CNTN5: variants seen among roughly 807,000 people sequenced by gnomAD.
CNTN5 encodes contactin 5, also known as contactin-5.
In CNTN5, 77 loss-of-function variants were observed where a neutral mutation model predicts 129.1. The observed-to-expected ratio is 0.60, with a 90% CI of 0.50 to 0.72. The LOEUF (loss-of-function observed/expected upper bound fraction) is 0.72. Among genes scored for constraint, CNTN5 ranks in the 30% least tolerant of loss-of-function variants. CNTN5 has a pLI of 0.00. For synonymous variants in CNTN5, 509 were observed against 465.6 expected, an observed-to-expected ratio of 1.09 and a Z score of -1.20; for missense variants, 1,478 against 1,328.8, an observed-to-expected ratio of 1.11 and a Z score of -1.75.
At chr11:99,041,866 G>C (rs1319195293) in intron 1 of CNTN5, among the ~76,000 whole-genome samples, 2 of 152,098 alleles carry the variant, frequency 1.3e-5, no homozygotes, top group Admixed American at 1.3e-4. Context: ...CATGGCACTA[G>C]CCTAATTTGG....
intron 21 of CNTN5, among the ~76,000 whole-genome samples, chr11:100,325,754 C>A (rs1951776468): frequency 6.6e-6 from 1 of 152,144 alleles, no homozygotes; most frequent in Non-Finnish European, 1.5e-5. Context: ...GAGATAAAGT[C>A]TAGAAATGGA....
At chr11:99,638,971 C>G (rs186233835) in intron 3 of CNTN5, among the ~76,000 whole-genome samples, 1,844 of 152,296 alleles carry the variant, frequency 0.012, 38 homozygotes, top group African/African-American at 0.041. Flanking sequence ...GGGCTCCAAC[C>G]CCACATTTCC....
intron 2 of CNTN5, among the ~76,000 whole-genome samples, chr11:99,408,594 A>G (rs1254928067): frequency 6.6e-6 from 1 of 152,128 alleles, no homozygotes; most frequent in African/African-American, 2.4e-5. Flanking sequence ...TCGGCCTCCC[A>G]AAGTGCTGAG....
At chr11:99,767,900 A>G (rs754498943) in intron 3 of CNTN5, among the ~76,000 whole-genome samples, 4 of 152,140 alleles carry the variant, frequency 2.6e-5, no homozygotes, top group Non-Finnish European at 5.9e-5. Flanking sequence ...TTTCAAAACA[A>G]AAAAGTAAAA....
Position 100,224,673 on chromosome 11 carries a change from C to G in CNTN5, c.1885-19C>G, listed in dbSNP as rs754194415. On this transcript the variant is annotated intron_variant, in intron 15 of 24. Coordinates refer to ENST00000524871, the MANE Select transcript of CNTN5 (RefSeq NM_014361.4). Reference sequence around the variant, plus strand: ...GCAGATTTGCAACATTTTAAACTGGCACTTCATCCCTCTTTCAGCAAGCAT... The same window carrying G: ...GCAGATTTGCAACATTTTAAACTGGGACTTCATCCCTCTTTCAGCAAGCAT... 5.6e-6 allele frequency: 9 copies of G among 1,602,434 alleles called. No homozygotes were observed. Among genetic ancestry groups the G allele is most frequent in the Non-Finnish European group, 6.8e-6 (8 of 1,171,816 alleles).
chr11:99,198,155 CT>C (rs1326448418), intron 1 of CNTN5, among the ~76,000 whole-genome samples: 1 of 151,918 alleles, frequency 6.6e-6, no homozygotes, highest in African/African-American at 2.4e-5. Context: ...CTGTTTTTTG[CT>C]TAAATTTCTT....
chr11:99,217,050 T>G (rs1056126556), intron 1 of CNTN5, among the ~76,000 whole-genome samples: 4 of 152,002 alleles, frequency 2.6e-5, no homozygotes, highest in African/African-American at 9.7e-5. Context: ...ACGTGTGGCA[T>G]GTGCCTGTAG....
intron 13 of CNTN5, among the ~76,000 whole-genome samples, chr11:100,161,872 C>CACACACACACACACACACACAA (rs1191557675): frequency 7.8e-6 from 1 of 127,620 alleles, no homozygotes; most frequent in African/African-American, 3.0e-5. Context: ...CACACACACA[C>CACACACACACACACACACACAA]AAAACAAAAA....
chr11:99,540,668 A>C (rs2135493717), intron 2 of CNTN5, among the ~76,000 whole-genome samples: 1 of 152,310 alleles, frequency 6.6e-6, no homozygotes, highest in African/African-American at 2.4e-5. Flanking sequence ...AAGGAGCATG[A>C]ATGAAGAGCA....
intron 3 of CNTN5, among the ~76,000 whole-genome samples, chr11:99,739,298 G>A (rs1297106022): frequency 6.6e-6 from 1 of 152,096 alleles, no homozygotes; most frequent in East Asian, 1.9e-4. Context: ...TGGTTCATAT[G>A]AGGAAGTGGT....
intron 1 of CNTN5, among the ~76,000 whole-genome samples, chr11:99,047,626 A>C (rs1013992023): frequency 6.6e-6 from 1 of 152,092 alleles, no homozygotes; most frequent in Non-Finnish European, 1.5e-5. Context: ...CCATCTGAGC[A>C]CTGAAAATAA....
At chr11:99,339,132 T>C (rs1038305933) in intron 2 of CNTN5, among the ~76,000 whole-genome samples, 3 of 151,496 alleles carry the variant, frequency 2.0e-5, no homozygotes, top group African/African-American at 7.3e-5. Context: ...TATTACAACA[T>C]CTTATGTACT....
rs562759009 is a variant in CNTN5, at chr11:99,903,743, T to A, written c.578-12311T>A. Among the ~76,000 whole-genome samples, 389 of 152,200 alleles carry A rather than the reference T, an allele frequency of 2.6e-3. 1 individual carries two copies. The highest frequency in any genetic ancestry group is 4.8e-3 in the Non-Finnish European group (325 of 68,034). Reference sequence around the variant, plus strand: ...CAAGAAACTCTAAATATAATTTTTTTAGAGAGAATATTTTCAAACTATTCA... The same window carrying A: ...CAAGAAACTCTAAATATAATTTTTTAAGAGAGAATATTTTCAAACTATTCA... On this transcript the variant is annotated intron_variant, in intron 6 of 24. Transcript: ENST00000524871.
chr11:99,164,942 T>C (rs1420674766), intron 1 of CNTN5, among the ~76,000 whole-genome samples: 1 of 152,210 alleles, frequency 6.6e-6, no homozygotes, highest in African/African-American at 2.4e-5. Context: ...TGTGTATATA[T>C]CTAAACAGAA....
intron 3 of CNTN5, chr11:99,558,421 A>C (rs141383165): frequency 1.2e-5 from 2 of 172,418 alleles, no homozygotes; most frequent in African/African-American, 4.8e-5. Context: ...TGTTCCATGC[A>C]ATATTTTATT....
chr11:99,887,547 A>T (rs61911639), intron 6 of CNTN5, among the ~76,000 whole-genome samples: 2 of 152,314 alleles, frequency 1.3e-5, no homozygotes, highest in Non-Finnish European at 2.9e-5. Flanking sequence ...GACTCACACA[A>T]TCACAAGGTG....
At position 100,075,470 on chromosome 11, in the gene CNTN5, C is replaced by T. The variant is rs539020174; in HGVS notation, c.1580+1176C>T. Among the ~76,000 whole-genome samples, 4 of 152,250 alleles carry T rather than the reference C, an allele frequency of 2.6e-5. No homozygotes were observed. In the East Asian group the frequency reaches 7.7e-4, roughly 29 times the overall value. On this transcript the variant is annotated intron_variant, in intron 13 of 24. Coordinates refer to ENST00000524871, the MANE Select transcript of CNTN5 (RefSeq NM_014361.4). The stretch of plus-strand genomic sequence containing the variant: ...TTTATTTAATCAAAGTTTTGTGTGA[C>T]ACAGGGGCCTTCAGAAATGAAGACC...
chr11:99,624,397 T>C (rs2135776994), intron 3 of CNTN5, among the ~76,000 whole-genome samples: 1 of 152,292 alleles, frequency 6.6e-6, no homozygotes, highest in East Asian at 1.9e-4. Flanking sequence ...TCTAATTGGC[T>C]AGTCATTTCT....
intron 3 of CNTN5, among the ~76,000 whole-genome samples, chr11:99,581,741 G>T (rs192196779): frequency 6.6e-6 from 1 of 152,212 alleles, no homozygotes; most frequent in African/African-American, 2.4e-5. Flanking sequence ...CACATGAGAT[G>T]GGTTTCCTGA....
Sources: gnomAD v4.1 joint callset for allele counts (sites outside exome capture counted in the v4.1 genomes callset) on GRCh38, gnomAD v4.1.1 for gene constraint, MANE v1.5 for transcripts, NCBI Gene and HGNC (gene_info 2026-07-23, HGNC 2026-07-21) for gene names.